The following NSG2 variants were observed in gnomAD, a reference collection of about 807,000 sequenced individuals.
NSG2 encodes neuronal vesicle trafficking associated 2.
Under a neutral mutation model 16.9 loss-of-function variants are expected in NSG2, and 4 were observed. The ratio of observed to expected loss-of-function variants is 0.24; its 90% CI spans 0.12 to 0.54. The LOEUF (loss-of-function observed/expected upper bound fraction) is 0.54, where lower values mean the gene tolerates loss of function less well. Among genes scored for constraint, NSG2 ranks in the 20% least tolerant of loss-of-function variants. The probability of loss-of-function intolerance (pLI) is 0.95; values close to 1 mark genes in which losing one functional copy is unlikely to be tolerated. For synonymous variants in NSG2, 98 were observed against 88.7 expected, an observed-to-expected ratio of 1.11 and a Z score of -0.59; for missense variants, 179 against 221.1, an observed-to-expected ratio of 0.81 and a Z score of 1.21.
In NSG2 at chr5:174,102,992, T is replaced by C. The variant is rs190052526; in HGVS notation, c.214-1236T>C. On this transcript the variant is annotated intron_variant, in intron 3 of 4. Coordinates refer to ENST00000303177, the MANE Select transcript of NSG2 (RefSeq NM_015980.5). Reference sequence around the variant, plus strand: ...TTAGTAGAGATGGGCTTTCACCATATTGGGCAGGCTGGTCACGAACTCCTG... The same window carrying C: ...TTAGTAGAGATGGGCTTTCACCATACTGGGCAGGCTGGTCACGAACTCCTG... Among the ~76,000 whole-genome samples, 196 of 146,346 alleles carry C rather than the reference T, an allele frequency of 1.3e-3. 1 individual carries two copies. Among genetic ancestry groups the C allele is most frequent in the African/African-American group, 5.0e-3 (191 of 38,300 alleles).
chr5:174,051,241 G>T lies in NSG2; in HGVS notation c.129+4357G>T, dbSNP rs376549772. The stretch of plus-strand genomic sequence containing the variant: ...ATCCTATAATGTACAGGACACCCAA[G>T]TCCCCCAGTCCTGCCCCTGGGTAGA... On this transcript the variant is annotated intron_variant, in intron 2 of 4. Coordinates refer to ENST00000303177, the MANE Select transcript of NSG2 (RefSeq NM_015980.5). Among the ~76,000 whole-genome samples the T allele has an allele frequency of 1.0e-3, 159 of 152,136 alleles. No homozygotes were observed. The South Asian group carries it at 0.015, about 15-fold the overall frequency.
At chr5:174,090,295 C>T (rs1261307823) in intron 3 of NSG2, among the ~76,000 whole-genome samples, 2 of 152,172 alleles carry the variant, frequency 1.3e-5, no homozygotes, top group South Asian at 2.1e-4. Context: ...TTCCAAGAAT[C>T]GTCTCCCAGT....
Position 174,107,027 on chromosome 5 carries a change from TC to T in NSG2, c.325-286del, listed in dbSNP as rs1488418260. ...CAGATAGAGGGAGTCTGTGGGGGTC[TC>T]TACAGCATCCACTACAGCCGGACAG... On this transcript the variant is annotated intron_variant, in intron 4 of 4. Coordinates refer to ENST00000303177, the MANE Select transcript of NSG2 (RefSeq NM_015980.5). The surrounding 1 kb of genome is among the most constrained non-coding windows in gnomAD (Gnocchi z 4.5). Among the ~76,000 whole-genome samples the T allele has an allele frequency of 1.3e-5, 2 of 152,200 alleles. No homozygotes were observed. The highest frequency in any genetic ancestry group is 4.8e-5 in the African/African-American group (2 of 41,466).
intron 3 of NSG2, among the ~76,000 whole-genome samples, chr5:174,079,742 G>A (rs1760416996): frequency 1.3e-5 from 2 of 151,942 alleles, no homozygotes; most frequent in African/African-American, 2.4e-5. Flanking sequence ...TTCCTCAGTC[G>A]TCCTTTGCCT....
At position 174,104,272 on chromosome 5, in the gene NSG2, C is replaced by T. The variant is rs547570311; in HGVS notation, c.258C>T (p.Ile86=). ...TGGCCCTAGCTTTCCTTGCGTGCATCGTGTTCCTGGTGGTTTACAAAGCCT... is the reference window on the plus strand; with the variant it reads ...TGGCCCTAGCTTTCCTTGCGTGCATTGTGTTCCTGGTGGTTTACAAAGCCT... ...VSLALAFLAC[I]VFLVVYKAFT... is the part of the protein sequence containing the mutation. The change falls in exon 4 of 5, where the codon ATC becomes ATT. Residue 86 remains isoleucine, a synonymous_variant. Coordinates refer to ENST00000303177, the MANE Select transcript of NSG2 (RefSeq NM_015980.5). 1.7e-5 allele frequency: 27 copies of T among 1,614,146 alleles called. No homozygotes were observed. Among genetic ancestry groups the T allele is most frequent in the African/African-American group, 8.0e-5 (6 of 75,042 alleles).
chr5:174,077,713 T>C (rs6891369), intron 3 of NSG2, among the ~76,000 whole-genome samples: 17,847 of 152,190 alleles, frequency 0.12, 1,258 homozygotes, highest in African/African-American at 0.2. Context: ...ATTGGTCATC[T>C]TTCCCTCCTT....
chr5:174,076,189 G>A (rs1561667184), intron 3 of NSG2, among the ~76,000 whole-genome samples: 2 of 152,214 alleles, frequency 1.3e-5, no homozygotes, highest in Non-Finnish European at 2.9e-5. Flanking sequence ...TGTGATGATG[G>A]TGCTTGGGAT....
chr5:174,105,880 G>C (rs896353128), intron 4 of NSG2, among the ~76,000 whole-genome samples: 6 of 152,080 alleles, frequency 3.9e-5, no homozygotes, highest in Non-Finnish European at 7.4e-5. Context: ...AGCCTGGGGG[G>C]ACAGAGCGAG....
chr5:174,105,282 G>A lies in NSG2; in HGVS notation c.324+944G>A, dbSNP rs551342008. 5.1e-4 allele frequency among the ~76,000 whole-genome samples: 78 copies of A among 152,236 alleles called. No individual in the cohort carries two copies. The Middle Eastern group carries it at 0.014, about 27-fold the overall frequency. On this transcript the variant is annotated intron_variant, in intron 4 of 4. Coordinates refer to ENST00000303177, the MANE Select transcript of NSG2 (RefSeq NM_015980.5). ...GCCAGCCTGAAAATGTGTATACTTC[G>A]GTTCTGCACTGCCTAGATTACACTC... is the stretch of plus-strand genomic sequence containing the variant.
At chr5:174,054,370 G>A (rs1024640710) in intron 2 of NSG2, among the ~76,000 whole-genome samples, 4 of 152,142 alleles carry the variant, frequency 2.6e-5, no homozygotes, top group East Asian at 1.9e-4. Flanking sequence ...ATAAGAATGC[G>A]TCGAATTTTA....
chr5:174,077,202 AT>A (rs199934046), intron 3 of NSG2, among the ~76,000 whole-genome samples: 4 of 151,904 alleles, frequency 2.6e-5, no homozygotes, highest in East Asian at 1.9e-4. Context: ...AAATAGCTTT[AT>A]TTTTTTTGTA....
At chr5:174,083,414 T>G (rs1173890562) in intron 3 of NSG2, among the ~76,000 whole-genome samples, 2 of 152,240 alleles carry the variant, frequency 1.3e-5, no homozygotes, top group Non-Finnish European at 2.9e-5. Context: ...ATCAATTGTG[T>G]TTCTCGGCTG....
intron 4 of NSG2, among the ~76,000 whole-genome samples, chr5:174,104,718 G>A (rs1343925292): frequency 6.6e-6 from 1 of 152,184 alleles, no homozygotes; most frequent in Non-Finnish European, 1.5e-5. Context: ...AGGTGTGAAG[G>A]TAGGGCTGGT....
intron 3 of NSG2, among the ~76,000 whole-genome samples, chr5:174,097,410 A>C (rs1760814674): frequency 6.6e-6 from 1 of 150,888 alleles, no homozygotes; most frequent in African/African-American, 2.4e-5. Context: ...TGCACACGGC[A>C]CGGTTTGGGC....
intron 3 of NSG2, among the ~76,000 whole-genome samples, chr5:174,102,205 G>A (rs1178315475): frequency 6.6e-6 from 1 of 152,086 alleles, no homozygotes; most frequent in Non-Finnish European, 1.5e-5. Flanking sequence ...GAATCCTCCC[G>A]ACATCCATCT....
chr5:174,058,886 A>G (rs1760006008), intron 2 of NSG2, among the ~76,000 whole-genome samples: 1 of 152,224 alleles, frequency 6.6e-6, no homozygotes, highest in Admixed American at 6.5e-5. Context: ...AAAACAGCAG[A>G]TGACTGAGGA....
chr5:174,058,817 A>C (rs996260334), intron 2 of NSG2, among the ~76,000 whole-genome samples: 7 of 152,356 alleles, frequency 4.6e-5, no homozygotes, highest in African/African-American at 1.7e-4. Context: ...CTCGGGGTGA[A>C]GACAAAATAT....
chr5:174,083,596 C>T (rs1254472881), intron 3 of NSG2, among the ~76,000 whole-genome samples: 1 of 152,180 alleles, frequency 6.6e-6, no homozygotes, highest in African/African-American at 2.4e-5. Context: ...AATTCAGGAG[C>T]TGGCGTGCTT....
At chr5:174,106,044 A>G (rs1423485361) in intron 4 of NSG2, among the ~76,000 whole-genome samples, 1 of 152,188 alleles carries the variant, frequency 6.6e-6, no homozygotes, top group Non-Finnish European at 1.5e-5. Context: ...CGGAAAGAGA[A>G]TGCTCATTAA....
Sources: gnomAD v4.1 joint callset for allele counts (sites outside exome capture counted in the v4.1 genomes callset) on GRCh38, gnomAD v4.1.1 for gene constraint, Gnocchi (gnomAD v3.1) non-coding constraint, MANE v1.5 for transcripts, NCBI Gene and HGNC (gene_info 2026-07-23, HGNC 2026-07-21) for gene names.